Variants in CADM2 observed in about 807,000 individuals in gnomAD.
CADM2 encodes the protein immunoglobulin superfamily member 4D.
In CADM2, 12 loss-of-function variants were observed where a neutral mutation model predicts 49.8. That is an observed-to-expected ratio of 0.24 (90% CI 0.15 to 0.39). The LOEUF (loss-of-function observed/expected upper bound fraction) is 0.39, where lower values mean the gene tolerates loss of function less well. CADM2 is among the 10% of genes least tolerant of loss of function. The pLI is 1.00. For synonymous variants in CADM2, 214 were observed against 175.4 expected (o/e 1.22, Z -1.74); for missense variants, 378 against 492.3 (o/e 0.77, Z 2.20).
intron 8 of CADM2, among the ~76,000 whole-genome samples, chr3:85,984,123 A>G (rs1257661888): frequency 6.7e-6 from 1 of 149,882 alleles, no homozygotes; most frequent in African/African-American, 2.4e-5. Context: ...TATGATGTGT[A>G]CAATTATTCC....
At chr3:85,974,185 T>A (rs1235720527) in intron 8 of CADM2, among the ~76,000 whole-genome samples, 1 of 151,706 alleles carries the variant, frequency 6.6e-6, no homozygotes, top group Non-Finnish European at 1.5e-5. Flanking sequence ...ATTAACTCTT[T>A]GCAGAACTGG....
chr3:84,981,710 G>A (rs2032192624), intron 1 of CADM2, among the ~76,000 whole-genome samples: 1 of 151,064 alleles, frequency 6.6e-6, no homozygotes, highest in Non-Finnish European at 1.5e-5. Context: ...CTTTAAATCA[G>A]AATATACTGC....
At position 86,037,253 on chromosome 3, in the gene CADM2, T is replaced by A. The variant is rs150285788; in HGVS notation, c.971-28352T>A. Among the ~76,000 whole-genome samples the A allele has an allele frequency of 2.3e-3, 352 of 152,328 alleles. 7 individuals are homozygous for A. The highest frequency in any genetic ancestry group is 2.1e-3 in the East Asian group (11 of 5,186). ...CTTGCCCCCATACTTGCTACTTTTGTTAAGCACAAATGTGTTACTTTAATG... is the reference window on the plus strand; with the variant it reads ...CTTGCCCCCATACTTGCTACTTTTGATAAGCACAAATGTGTTACTTTAATG... On this transcript the variant is annotated intron_variant, in intron 8 of 9. Transcript: ENST00000383699.
intron 5 of CADM2, among the ~76,000 whole-genome samples, chr3:85,910,385 G>A (rs910375329): frequency 6.6e-6 from 1 of 152,086 alleles, no homozygotes; most frequent in African/African-American, 2.4e-5. Context: ...ATAAATCTAT[G>A]AGACTGAAAA....
At chr3:85,059,186 C>A (rs1331258334) in intron 1 of CADM2, among the ~76,000 whole-genome samples, 1 of 151,572 alleles carries the variant, frequency 6.6e-6, no homozygotes, top group Non-Finnish European at 1.5e-5. Context: ...TTGCAGTGAG[C>A]CGAGATCGCG....
intron 7 of CADM2, among the ~76,000 whole-genome samples, chr3:85,946,862 A>T (rs148222912): frequency 0.052 from 7,925 of 152,190 alleles, 278 homozygotes; most frequent in Middle Eastern, 0.092. Context: ...AACCTAGGCA[A>T]TACCATTCAG....
In CADM2 at chr3:86,072,041, T is replaced by A. The variant is rs1294815980; in HGVS notation, c.*5258T>A. The stretch of plus-strand genomic sequence containing the variant: ...CATCCTTATTAATAAATAATCCTCA[T>A]ATAATGCACAGTATTGCCACAAATG... On this transcript the variant is annotated 3_prime_UTR_variant, in exon 10 of 10. Transcript: ENST00000383699. The A allele has an allele frequency of 1.3e-5, 2 of 151,804 alleles. No homozygotes were observed. Among genetic ancestry groups the A allele is most frequent in the Non-Finnish European group, 2.9e-5 (2 of 67,886 alleles). 9.4% of individuals were successfully genotyped at this position (151,804 alleles called of 1,614,324 possible). A position where few individuals can be genotyped will look rare whatever the true frequency, so the allele number is the denominator to read the frequency against.
At chr3:85,743,581 G>A (rs903849076) in intron 2 of CADM2, among the ~76,000 whole-genome samples, 2 of 152,008 alleles carry the variant, frequency 1.3e-5, no homozygotes, top group Non-Finnish European at 2.9e-5. Context: ...ACCAGCCTGG[G>A]GCTAATTTAA....
intron 1 of CADM2, among the ~76,000 whole-genome samples, chr3:85,015,438 A>G (rs779283623): frequency 2.7e-4 from 41 of 152,296 alleles, no homozygotes; most frequent in African/African-American, 7.5e-4. Flanking sequence ...ATGCATCTCA[A>G]TTAGTCCCCT....
intron 1 of CADM2, among the ~76,000 whole-genome samples, chr3:85,022,048 TAC>T (rs2034533695): frequency 6.6e-6 from 1 of 152,164 alleles, no homozygotes; most frequent in African/African-American, 2.4e-5. Context: ...ATTGCTAAAC[TAC>T]TAACAGAGGG....
chr3:85,664,511 T>G (rs911292686), intron 1 of CADM2, among the ~76,000 whole-genome samples: 1 of 151,904 alleles, frequency 6.6e-6, no homozygotes, highest in African/African-American at 2.4e-5. Flanking sequence ...ATTCCTTTGT[T>G]TCTGCCTTCA....
intron 1 of CADM2, among the ~76,000 whole-genome samples, chr3:85,372,357 G>T (rs181935589): frequency 7.3e-5 from 11 of 150,904 alleles, no homozygotes; most frequent in Admixed American, 2.0e-4. Flanking sequence ...ATATATGTGT[G>T]TGTGTGTATA....
intron 1 of CADM2, among the ~76,000 whole-genome samples, chr3:85,325,719 T>G (rs371423400): frequency 2.0e-5 from 3 of 150,036 alleles, no homozygotes; most frequent in East Asian, 3.9e-4. Flanking sequence ...GTGTGAATAG[T>G]GGATGTCTAT....
At chr3:85,520,612 A>C (rs530697602) in intron 1 of CADM2, among the ~76,000 whole-genome samples, 1 of 152,144 alleles carries the variant, frequency 6.6e-6, no homozygotes, top group South Asian at 2.1e-4. Flanking sequence ...GTAGGAAACT[A>C]TTTGGATGTT....
intron 1 of CADM2, among the ~76,000 whole-genome samples, chr3:85,696,224 A>T (rs2066550352): frequency 6.6e-6 from 1 of 151,694 alleles, no homozygotes; most frequent in African/African-American, 2.4e-5. Flanking sequence ...TTATCTGTTT[A>T]CTCTGTTGAT....
chr3:85,645,116 G>A (rs969940879), intron 1 of CADM2, among the ~76,000 whole-genome samples: 9 of 151,898 alleles, frequency 5.9e-5, no homozygotes, highest in Non-Finnish European at 1.2e-4. Flanking sequence ...CATCTAGAAA[G>A]TATCATATGG....
chr3:85,898,625 T>TG (rs1715609805), intron 5 of CADM2, among the ~76,000 whole-genome samples: 1 of 151,688 alleles, frequency 6.6e-6, no homozygotes, highest in Admixed American at 6.6e-5. Context: ...TTCATGTTGT[T>TG]GCATGTACAT....
chr3:85,551,727 C>T (rs1249955269), intron 1 of CADM2, among the ~76,000 whole-genome samples: 2 of 152,082 alleles, frequency 1.3e-5, no homozygotes, highest in Non-Finnish European at 2.9e-5. Flanking sequence ...AATCCTTTTT[C>T]GAGTACCTTA....
intron 1 of CADM2, among the ~76,000 whole-genome samples, chr3:85,568,397 C>T (rs1047315973): frequency 3.8e-5 from 2 of 52,026 alleles, no homozygotes; most frequent in Non-Finnish European, 1.1e-4. Flanking sequence ...TCCTTCCTCC[C>T]TCTTTCTTTC....
Sources: allele counts gnomAD v4.1 joint callset (sites outside exome capture counted in the v4.1 genomes callset), GRCh38; gene constraint gnomAD v4.1.1; transcripts MANE v1.5; gene names NCBI Gene and HGNC (gene_info 2026-07-23, HGNC 2026-07-21).